Variants in PARP9 observed in about 807,000 individuals in gnomAD.
PARP9 encodes protein mono-ADP-ribosyltransferase PARP9.
PARP9 carries 48 observed loss-of-function variants against 68.8 expected under a neutral mutation model. The observed-to-expected ratio is 0.70, with a 90% CI of 0.55 to 0.89. The LOEUF (loss-of-function observed/expected upper bound fraction) is 0.89, where lower values mean the gene tolerates loss of function less well. PARP9 is among the 40% of genes least tolerant of loss of function. PARP9 has a pLI of 0.00. For missense variants in PARP9, 806 were observed against 969.3 expected (o/e 0.83, Z 2.24); for synonymous variants, 309 against 333.8 (o/e 0.93, Z 0.81).
At chr3:122,559,123 C>A (rs1196066975) in intron 2 of PARP9, among the ~76,000 whole-genome samples, 3 of 152,130 alleles carry the variant, frequency 2.0e-5, no homozygotes, top group Admixed American at 2.0e-4. Context: ...AGATAGACTC[C>A]AATCTCCAAA....
chr3:122,554,405 GATTTTTCAAATAAAGAAT>G (rs1292274911), intron 4 of PARP9, among the ~76,000 whole-genome samples: 37 of 152,270 alleles, frequency 2.4e-4, no homozygotes, highest in African/African-American at 8.7e-4. Flanking sequence ...TCCCCAGAGA[GATTTTTCAAATAAAGAAT>G]ATTTTTATAA....
At chr3:122,563,968 A>G (rs1036486080) in intron 1 of PARP9, 1 of 155,848 alleles carries the variant, frequency 6.4e-6, no homozygotes, top group African/African-American at 2.4e-5. Context: ...GTAACAGGTC[A>G]CAATTACCAG....
intron 3 of PARP9, among the ~76,000 whole-genome samples, chr3:122,556,738 T>C (rs1358912271): frequency 6.6e-6 from 1 of 151,940 alleles, no homozygotes; most frequent in Non-Finnish European, 1.5e-5. Flanking sequence ...AACTTAACTC[T>C]ACTGGGAAAC....
intron 10 of PARP9, 129 bp downstream of exon 10, chr3:122,536,039 G>A: frequency 1.3e-6 from 2 of 1,559,560 alleles, no homozygotes; most frequent in Non-Finnish European, 1.7e-6. Context: ...GTCATCATTT[G>A]TGACCTCTAA....
rs370885929 is a variant in PARP9 at position 122,559,520 on chromosome 3, G to C, written c.15+86C>G. On this transcript the variant is annotated intron_variant, in intron 2 of 10. Coordinates refer to ENST00000682323, the MANE Select transcript of PARP9 (RefSeq NM_001146105.2). ...GCAGATGAGGATGTCAACTGTTGGT[G>C]AACACCCCAGATTTCTTGCTGTTAT... The C allele has an allele frequency of 4.8e-5, 65 of 1,354,868 alleles. No homozygotes were observed. In the African/African-American group the frequency reaches 8.8e-4, roughly 18 times the overall value. The allele number at this position is 1,354,868 out of a possible 1,614,324, so 83.9% of individuals were successfully genotyped here.
chr3:122,545,543 C>G, intron 6 of PARP9, 54 bp from the exon 7 acceptor site: 2 of 1,546,012 alleles, frequency 1.3e-6, no homozygotes, highest in Non-Finnish European at 1.8e-6. Context: ...TAGCCATTGT[C>G]ATCAAAGTCT....
intron 10 of PARP9, among the ~76,000 whole-genome samples, chr3:122,531,060 A>G (rs1008524546): frequency 6.6e-6 from 1 of 152,254 alleles, no homozygotes; most frequent in African/African-American, 2.4e-5. Flanking sequence ...TTTGAAAAGT[A>G]TTAGATATTT....
chr3:122,533,777 T>C, intron 10 of PARP9: 1 of 985,434 alleles, frequency 1.0e-6, no homozygotes, highest in Non-Finnish European at 1.2e-6. Context: ...CAGAACTGGT[T>C]GGAATGCAAA....
chr3:122,564,603 T>A (rs1226747322), upstream of PARP9: 1 of 1,595,762 alleles, frequency 6.3e-7, no homozygotes, highest in Non-Finnish European at 8.5e-7. Context: ...TGGAGTTCAG[T>A]GAAAGGGCAG....
intron 7 of PARP9, among the ~76,000 whole-genome samples, chr3:122,541,994 A>T (rs13326103): frequency 0.02 from 2,973 of 152,286 alleles, 99 homozygotes; most frequent in African/African-American, 0.068. Context: ...CTCTGAGTAA[A>T]GATAAAAAAG....
At position 122,535,623 on chromosome 3, in the gene PARP9, C is replaced by T. The variant is rs1559806261; in HGVS notation, c.2080+545G>A. 5 of 985,328 alleles carry T rather than the reference C, an allele frequency of 5.1e-6. No homozygotes were observed. The African/African-American group carries it at 7.0e-5, about 14-fold the overall frequency. 61.0% of individuals were successfully genotyped at this position (985,328 alleles called of 1,614,324 possible). A position where few individuals can be genotyped will look rare whatever the true frequency, so the allele number is the denominator to read the frequency against. ...ATGTTTTTGTACATCTGAAAAGAGACATGGGAGTTACACATAGAACTCCTA... is the reference window on the plus strand; with the variant it reads ...ATGTTTTTGTACATCTGAAAAGAGATATGGGAGTTACACATAGAACTCCTA... On this transcript the variant is annotated intron_variant, in intron 10 of 10. Transcript: ENST00000682323.
chr3:122,556,145 A>T, intron 3 of PARP9, 24 bp from the exon 4 acceptor site: 1 of 492,134 alleles, frequency 2.0e-6, no homozygotes, highest in East Asian at 8.9e-5. Context: ...GAAGATTAAA[A>T]AAAAAAAAAA....
Position 122,555,376 on chromosome 3 carries a change from C to T in PARP9, c.795G>A (p.Glu265=). The change falls in exon 4 of 11, where the codon GAG becomes GAA. Residue 265 remains glutamate, a synonymous_variant. Coordinates refer to ENST00000682323, the MANE Select transcript of PARP9 (RefSeq NM_001146105.2). ...AAGAAGGGGTGGTTTCTTGTCCCAG[C>T]TCACTCTTCCCTAGGATGAATTCTG... ...AASEFILGKS[E]LGQETTPSFN... is the part of the protein sequence containing the mutation. The T allele has an allele frequency of 1.2e-6, 2 of 1,614,138 alleles. No homozygotes were observed. Among genetic ancestry groups the T allele is most frequent in the Non-Finnish European group, 1.7e-6 (2 of 1,180,018 alleles).
At chr3:122,546,869 T>C (rs2078736740) in intron 6 of PARP9, among the ~76,000 whole-genome samples, 1 of 150,568 alleles carries the variant, frequency 6.6e-6, no homozygotes. Context: ...TTTGGATTTG[T>C]AAAATGGAGA....
chr3:122,545,355 G>T, intron 7 of PARP9, 77 bp downstream of exon 7: 1 of 1,441,398 alleles, frequency 6.9e-7, no homozygotes, highest in Non-Finnish European at 9.8e-7. Context: ...TCTCCCCTCC[G>T]TTAGTTCAGA....
chr3:122,539,919 A>G (rs1306941185), intron 8 of PARP9, among the ~76,000 whole-genome samples: 1 of 152,182 alleles, frequency 6.6e-6, no homozygotes, highest in African/African-American at 2.4e-5. Context: ...CTCTGTTAAA[A>G]GGATCTCTCC....
chr3:122,556,141 TAAAAA>T lies in PARP9; in HGVS notation c.50-25_50-21del, dbSNP rs745677021. On this transcript the variant is annotated intron_variant, in intron 3 of 10. Transcript: ENST00000682323. ...CAGTCTCTGGAAAAGAAGAGAAGAT[TAAAAA>T]AAAAAAAAAAAAAAAAAAAAAAAAA... The T allele has an allele frequency of 2.4e-4, 50 of 210,228 alleles. No individual in the cohort carries two copies. The highest frequency in any genetic ancestry group is 1.8e-3 in the African/African-American group (39 of 21,260). The allele number at this position is 210,228 out of a possible 1,614,324, so 13.0% of individuals were successfully genotyped here.
chr3:122,535,478 C>T (rs1472094860), intron 10 of PARP9: 10 of 985,296 alleles, frequency 1.0e-5, no homozygotes, highest in South Asian at 9.4e-5. Flanking sequence ...CAAGCCACCC[C>T]GCTAAGTATC....
intron 1 of PARP9, among the ~76,000 whole-genome samples, chr3:122,562,340 G>A (rs1298237447): frequency 6.7e-6 from 1 of 148,228 alleles, no homozygotes; most frequent in African/African-American, 2.5e-5. Context: ...CCACCACCAC[G>A]CCTGGCTAAT....
Sources: allele counts gnomAD v4.1 joint callset (sites outside exome capture counted in the v4.1 genomes callset), GRCh38; gene constraint gnomAD v4.1.1; transcripts MANE v1.5; gene names NCBI Gene and HGNC (gene_info 2026-07-23, HGNC 2026-07-21).